Variants in ARMH3 observed in about 807,000 individuals in gnomAD.
The protein encoded by ARMH3 is armadillo like helical domain containing 3, also known as armadillo-like helical domain-containing protein 3.
In ARMH3, 60 loss-of-function variants were observed where a neutral mutation model predicts 99.1. The observed-to-expected ratio is 0.61, with a 90% CI of 0.49 to 0.75. ARMH3 has a LOEUF of 0.75. ARMH3 is among the 30% of genes least tolerant of loss of function. ARMH3 has a pLI of 0.00. For missense variants in ARMH3, 679 were observed against 843.1 expected (o/e 0.81, Z 2.41); for synonymous variants, 285 against 292.8 (o/e 0.97, Z 0.27).
intron 2 of ARMH3, among the ~76,000 whole-genome samples, chr10:102,036,535 GTTC>G (rs1180414443): frequency 1.3e-5 from 2 of 152,142 alleles, no homozygotes; most frequent in Admixed American, 1.3e-4. Flanking sequence ...ACTGGGAGGG[GTTC>G]TTCTGCCTTG....
intron 23 of ARMH3, among the ~76,000 whole-genome samples, chr10:101,938,023 C>T (rs1042102454): frequency 4.6e-5 from 7 of 152,032 alleles, no homozygotes; most frequent in Non-Finnish European, 8.8e-5. Flanking sequence ...GCCACCATGC[C>T]CAGCTAATCT....
chr10:102,045,909 A>G (rs2067539032), intron 1 of ARMH3, among the ~76,000 whole-genome samples: 1 of 152,108 alleles, frequency 6.6e-6, no homozygotes, highest in Non-Finnish European at 1.5e-5. Flanking sequence ...AGCCTAACCA[A>G]CATGGAGAAA....
intron 24 of ARMH3, among the ~76,000 whole-genome samples, chr10:101,866,505 A>G (rs1156353340): frequency 2.0e-5 from 3 of 151,848 alleles, no homozygotes; most frequent in South Asian, 4.2e-4. Context: ...AAAAGAAAAG[A>G]AAAGGAAAAG....
intron 23 of ARMH3, among the ~76,000 whole-genome samples, chr10:101,917,092 T>C (rs1191196025): frequency 2.0e-5 from 3 of 152,234 alleles, no homozygotes; most frequent in East Asian, 1.9e-4. Context: ...TTTCCTCTTG[T>C]ATAACTATGT....
intron 19 of ARMH3, among the ~76,000 whole-genome samples, chr10:101,981,201 AAAG>A (rs1168814809): frequency 1.3e-5 from 2 of 152,208 alleles, no homozygotes; most frequent in African/African-American, 4.8e-5. Context: ...AAAAAAAGAA[AAAG>A]AAAAAAAACA....
intron 19 of ARMH3, among the ~76,000 whole-genome samples, chr10:101,978,319 T>C (rs532331520): frequency 3.4e-4 from 51 of 152,160 alleles, no homozygotes; most frequent in Non-Finnish European, 7.1e-4. Context: ...TCAATTCCTC[T>C]AGCTAGTGTC....
intron 10 of ARMH3, among the ~76,000 whole-genome samples, 167 bp downstream of exon 10, chr10:102,012,666 C>A (rs1178446343): frequency 6.6e-6 from 1 of 152,180 alleles, no homozygotes; most frequent in Non-Finnish European, 1.5e-5. Flanking sequence ...AAAACAATCC[C>A]TGCTAAGGCC....
Position 102,040,131 on chromosome 10 carries a change from A to G in ARMH3, c.-11-6T>C. On this transcript the variant is annotated splice_region_variant and splice_polypyrimidine_tract_variant and intron_variant, in intron 1 of 25. Transcript: ENST00000370033. ...CTGTGCCATGGTTAGAGAATCTGTG[A>G]ACAGAAAGTCACATTTTAGAATAGT... 8.7e-6 allele frequency: 14 copies of G among 1,603,826 alleles called. No homozygotes were observed. The highest frequency in any genetic ancestry group is 1.2e-5 in the Non-Finnish European group (14 of 1,170,534).
In ARMH3 at chr10:101,889,508, T is replaced by C; in HGVS notation, c.1782-18A>G. ...TGATGGCTCTGAAACAAAGAATTCGTATTAATATGGTGCCAGATAGAAGAG... is the reference window on the plus strand; with the variant it reads ...TGATGGCTCTGAAACAAAGAATTCGCATTAATATGGTGCCAGATAGAAGAG... On this transcript the variant is annotated intron_variant, in intron 23 of 25. Coordinates refer to ENST00000370033, the MANE Select transcript of ARMH3 (RefSeq NM_024541.3). 2 of 1,595,246 alleles carry C rather than the reference T, an allele frequency of 1.3e-6. No individual in the cohort carries two copies. Among genetic ancestry groups the C allele is most frequent in the South Asian group, 1.1e-5 (1 of 90,694 alleles).
At chr10:101,935,174 A>AAT (rs5787448) in intron 23 of ARMH3, among the ~76,000 whole-genome samples, 2,366 of 117,080 alleles carry the variant, frequency 0.02, 83 homozygotes, top group Middle Eastern at 0.025. Flanking sequence ...AAGGTGGAGC[A>AAT]ATATATATAT....
At chr10:101,897,160 G>A (rs1388670382) in intron 23 of ARMH3, among the ~76,000 whole-genome samples, 3 of 152,124 alleles carry the variant, frequency 2.0e-5, no homozygotes, top group Admixed American at 6.5e-5. Flanking sequence ...GTAGTAATAA[G>A]GCCCAAGGAA....
At chr10:101,872,599 G>A (rs1352924402) in intron 24 of ARMH3, among the ~76,000 whole-genome samples, 1 of 152,154 alleles carries the variant, frequency 6.6e-6, no homozygotes, top group Non-Finnish European at 1.5e-5. Flanking sequence ...TCAGGAGGCT[G>A]AAGCAGGAGA....
chr10:101,959,365 T>G (rs1167839682), intron 20 of ARMH3, among the ~76,000 whole-genome samples: 5 of 152,220 alleles, frequency 3.3e-5, no homozygotes, highest in Non-Finnish European at 7.3e-5. Flanking sequence ...CAAGCCCTGT[T>G]AATGATATAC....
chr10:101,930,770 T>A (rs1357480302), intron 23 of ARMH3, among the ~76,000 whole-genome samples: 2 of 152,096 alleles, frequency 1.3e-5, no homozygotes, highest in Non-Finnish European at 2.9e-5. Context: ...CTGAACAAAG[T>A]TGGGTATGGA....
At chr10:101,858,353 T>C (rs900158352) in intron 24 of ARMH3, among the ~76,000 whole-genome samples, 1 of 152,200 alleles carries the variant, frequency 6.6e-6, no homozygotes. Flanking sequence ...GTAAGCCTGT[T>C]TGTTCATCTT....
At chr10:101,998,711 T>C (rs1044234962) in intron 15 of ARMH3, among the ~76,000 whole-genome samples, 2 of 152,198 alleles carry the variant, frequency 1.3e-5, no homozygotes, top group Non-Finnish European at 2.9e-5. Context: ...CTTCTCCTCC[T>C]ATGCAGTTCT....
At chr10:101,897,467 G>A (rs1262138787) in intron 23 of ARMH3, among the ~76,000 whole-genome samples, 1 of 152,218 alleles carries the variant, frequency 6.6e-6, no homozygotes, top group African/African-American at 2.4e-5. Context: ...AGGAGCAAAA[G>A]TTGACACTGA....
intron 23 of ARMH3, chr10:101,913,359 CTCTTT>C: frequency 9.8e-6 from 1 of 101,880 alleles, no homozygotes; most frequent in Non-Finnish European, 2.1e-5. Flanking sequence ...CTCTCTCTCT[CTCTTT>C]TTTTTTTTTT....
At chr10:102,035,340 G>A (rs2136220060) in intron 2 of ARMH3, among the ~76,000 whole-genome samples, 1 of 152,250 alleles carries the variant, frequency 6.6e-6, no homozygotes, top group South Asian at 2.1e-4. Flanking sequence ...ACTCCGGCCT[G>A]GGCAACAGAG....
Sources: allele counts gnomAD v4.1 joint callset (sites outside exome capture counted in the v4.1 genomes callset), GRCh38; gene constraint gnomAD v4.1.1; transcripts MANE v1.5; gene names NCBI Gene and HGNC (gene_info 2026-07-23, HGNC 2026-07-21).